The following SLC24A2 variants were observed in gnomAD, a reference collection of about 807,000 sequenced individuals.
SLC24A2 encodes the protein sodium/potassium/calcium exchanger 2.
A neutral mutation model predicts 62.0 loss-of-function variants in SLC24A2; 36 were observed. The observed-to-expected ratio is 0.58, with a 90% CI of 0.44 to 0.77. The LOEUF is 0.77. SLC24A2 is among the 30% of genes least tolerant of loss of function. The pLI, the probability that SLC24A2 is intolerant of heterozygous loss-of-function variation, is 0.00. For synonymous variants in SLC24A2, 358 were observed against 294.0 expected, an observed-to-expected ratio of 1.22 and a Z score of -2.23; for missense variants, 846 against 817.9, an observed-to-expected ratio of 1.03 and a Z score of -0.42.
At chr9:19,741,476 C>T (rs893861573) in intron 2 of SLC24A2, among the ~76,000 whole-genome samples, 5 of 152,198 alleles carry the variant, frequency 3.3e-5, no homozygotes, top group African/African-American at 1.2e-4. Context: ...AGCCTCAACA[C>T]TCTCTGCTCC....
the SLC24A2 span, among the ~76,000 whole-genome samples, chr9:20,157,530 C>A: frequency 6.6e-6 from 1 of 151,558 alleles, no homozygotes; most frequent in Non-Finnish European, 1.5e-5. Context: ...GAGCACATAT[C>A]TGGGACTTCA....
chr9:19,663,955 G>A (rs1819176441), intron 2 of SLC24A2, among the ~76,000 whole-genome samples: 2 of 152,226 alleles, frequency 1.3e-5, no homozygotes, highest in South Asian at 2.1e-4. Flanking sequence ...CAGGTGGATG[G>A]ACGAAAGCAA....
chr9:19,546,890 A>G (rs911735384), intron 8 of SLC24A2, among the ~76,000 whole-genome samples: 7 of 152,294 alleles, frequency 4.6e-5, no homozygotes, highest in Non-Finnish European at 1.0e-4. Flanking sequence ...GCCAGAGTGC[A>G]CTGTTCCTCA....
At chr9:19,545,442 C>G (rs530009918) in intron 8 of SLC24A2, among the ~76,000 whole-genome samples, 14 of 151,978 alleles carry the variant, frequency 9.2e-5, no homozygotes, top group Admixed American at 6.6e-5. Flanking sequence ...AGTCATGAAA[C>G]TCATTCTCCA....
At chr9:19,857,081 C>A in the SLC24A2 span, among the ~76,000 whole-genome samples, 1 of 152,198 alleles carries the variant, frequency 6.6e-6, no homozygotes, top group South Asian at 2.1e-4. Flanking sequence ...AAAAATCAAT[C>A]TCACTGGGCT....
At chr9:19,855,515 C>G in the SLC24A2 span, among the ~76,000 whole-genome samples, 1 of 152,170 alleles carries the variant, frequency 6.6e-6, no homozygotes, top group African/African-American at 2.4e-5. Flanking sequence ...ATTTGCTTGT[C>G]TGAAAAGGAT....
intron 4 of SLC24A2, among the ~76,000 whole-genome samples, chr9:19,618,074 A>G (rs1283600617): frequency 6.6e-6 from 1 of 152,226 alleles, no homozygotes; most frequent in Non-Finnish European, 1.5e-5. Flanking sequence ...TGTGAAGCAT[A>G]AGTTTACAGA....
chr9:19,652,759 C>A (rs1397108799), intron 2 of SLC24A2, among the ~76,000 whole-genome samples: 1 of 152,166 alleles, frequency 6.6e-6, no homozygotes, highest in East Asian at 1.9e-4. Context: ...TTCAGATCCT[C>A]GTGCCTATTC....
At chr9:19,789,980 C>T (rs1823290690), upstream of SLC24A2, among the ~76,000 whole-genome samples, 1 of 152,130 alleles carries the variant, frequency 6.6e-6, no homozygotes. Context: ...ACTTAGAGTA[C>T]AGCTCTGTAG....
At chr9:20,113,932 T>C in the SLC24A2 span, among the ~76,000 whole-genome samples, 2 of 152,184 alleles carry the variant, frequency 1.3e-5, no homozygotes. Flanking sequence ...CAGCTTGGGA[T>C]AGCAATCCCT....
intron 2 of SLC24A2, among the ~76,000 whole-genome samples, chr9:19,625,709 G>A (rs891987152): frequency 3.7e-5 from 5 of 135,516 alleles, no homozygotes; most frequent in African/African-American, 8.2e-5. Flanking sequence ...TTTTTGAGAT[G>A]GGGTTTCACT....
At chr9:20,155,700 T>G in the SLC24A2 span, among the ~76,000 whole-genome samples, 2 of 151,820 alleles carry the variant, frequency 1.3e-5, no homozygotes, top group Non-Finnish European at 2.9e-5. Context: ...AAGGGCATAA[T>G]TGAAGCAGCT....
chr9:20,198,747 T>C, the SLC24A2 span, among the ~76,000 whole-genome samples: 1 of 151,112 alleles, frequency 6.6e-6, no homozygotes. Flanking sequence ...CCTAGATACT[T>C]AGTAGCCTGG....
At chr9:20,034,587 T>G in the SLC24A2 span, among the ~76,000 whole-genome samples, 1 of 151,228 alleles carries the variant, frequency 6.6e-6, no homozygotes, top group Non-Finnish European at 1.5e-5. Context: ...CTGCCTCAGC[T>G]TCCCGAGGAG....
chr9:19,638,480 G>C (rs1055980720), intron 2 of SLC24A2, among the ~76,000 whole-genome samples: 1 of 152,132 alleles, frequency 6.6e-6, no homozygotes, highest in Admixed American at 6.5e-5. Context: ...CAACCTGGGG[G>C]AGCTAAGGGA....
intron 2 of SLC24A2, among the ~76,000 whole-genome samples, chr9:19,668,044 C>T (rs920004395): frequency 6.6e-6 from 1 of 152,066 alleles, no homozygotes; most frequent in Non-Finnish European, 1.5e-5. Flanking sequence ...TCTCCTTGGC[C>T]ACATTGGAAG....
At position 19,509,247 on chromosome 9, in the gene SLC24A2, A is replaced by T. The variant is rs1359443282; in HGVS notation, c.*6906T>A. ...TATTAGAACTTGCTAAAGAAACTGT[A>T]ATAAGCTATTTTGAAAACGAAGACT... On this transcript the variant is annotated 3_prime_UTR_variant, in exon 11 of 11. Coordinates refer to ENST00000341998, the MANE Select transcript of SLC24A2 (RefSeq NM_020344.4). 2.0e-5 allele frequency: 3 copies of T among 152,234 alleles called. No individual in the cohort carries two copies. Among genetic ancestry groups the T allele is most frequent in the Non-Finnish European group, 4.4e-5 (3 of 68,026 alleles). 9.4% of individuals were successfully genotyped at this position (152,234 alleles called of 1,614,324 possible).
chr9:20,018,818 C>T, the SLC24A2 span, among the ~76,000 whole-genome samples: 4 of 151,960 alleles, frequency 2.6e-5, no homozygotes, highest in Admixed American at 1.3e-4. Flanking sequence ...AATCCCAACA[C>T]TTTGGAAGGC....
the SLC24A2 span, among the ~76,000 whole-genome samples, chr9:20,236,403 A>C: frequency 3.3e-5 from 5 of 152,200 alleles, no homozygotes; most frequent in African/African-American, 1.2e-4. Context: ...ATTTCCAAGA[A>C]TTGTTGTGTG....
Sources: allele counts gnomAD v4.1 joint callset (sites outside exome capture counted in the v4.1 genomes callset), GRCh38; gene constraint gnomAD v4.1.1; transcripts MANE v1.5; gene names NCBI Gene and HGNC (gene_info 2026-07-23, HGNC 2026-07-21).